The following NXPE2 variants were observed in gnomAD, a reference collection of about 807,000 sequenced individuals.
The protein encoded by NXPE2 is neurexophilin and PC-esterase domain family member 2.
In NXPE2, 34 loss-of-function variants were observed where a neutral mutation model predicts 34.4. That is an observed-to-expected ratio of 0.99 (90% confidence interval 0.75 to 1.31). The LOEUF (loss-of-function observed/expected upper bound fraction) is 1.31. NXPE2 is among the 40% of genes most tolerant of loss of function. The pLI, the probability that NXPE2 is intolerant of heterozygous loss-of-function variation, is 0.00. For synonymous variants in NXPE2, 235 were observed against 231.3 expected, an observed-to-expected ratio of 1.02 and a Z score of -0.15; for missense variants, 649 against 672.5, an observed-to-expected ratio of 0.97 and a Z score of 0.39.
the NXPE2 span, among the ~76,000 whole-genome samples, chr11:114,521,003 A>G: frequency 6.6e-6 from 1 of 152,216 alleles, no homozygotes; most frequent in Non-Finnish European, 1.5e-5. Context: ...CAAACCTTTT[A>G]AAAAAGTTCA....
At chr11:114,808,547 C>T in the NXPE2 span, among the ~76,000 whole-genome samples, 1 of 109,758 alleles carries the variant, frequency 9.1e-6, no homozygotes, top group Non-Finnish European at 1.9e-5. Flanking sequence ...AAACTACCAT[C>T]AGAGAATACT....
the NXPE2 span, among the ~76,000 whole-genome samples, chr11:114,629,544 A>T: frequency 6.6e-6 from 1 of 151,888 alleles, no homozygotes; most frequent in Non-Finnish European, 1.5e-5. Context: ...GCTATCTATG[A>T]CAAACCCACA....
the NXPE2 span, among the ~76,000 whole-genome samples, chr11:114,622,410 C>T: frequency 1.3e-5 from 2 of 151,648 alleles, no homozygotes; most frequent in Non-Finnish European, 2.9e-5. Context: ...ACCACTGTTA[C>T]CCGGTGTATA....
At chr11:114,602,669 C>G in the NXPE2 span, among the ~76,000 whole-genome samples, 1 of 141,108 alleles carries the variant, frequency 7.1e-6, no homozygotes, top group Non-Finnish European at 1.5e-5. Flanking sequence ...ATAATAATTA[C>G]AGAATCATAT....
At chr11:114,767,781 T>C in the NXPE2 span, among the ~76,000 whole-genome samples, 1 of 152,118 alleles carries the variant, frequency 6.6e-6, no homozygotes, top group African/African-American at 2.4e-5. Flanking sequence ...ACTCCCTTTC[T>C]CTTAAATCTC....
At chr11:114,783,728 C>CTTAGGCACTGTGGTGTTG in the NXPE2 span, among the ~76,000 whole-genome samples, 1 of 152,130 alleles carries the variant, frequency 6.6e-6, no homozygotes, top group Non-Finnish European at 1.5e-5. Context: ...GAAATTTCAT[C>CTTAGGCACTGTGGTGTTG]TTAGGCACTG....
chr11:114,643,596 G>A, the NXPE2 span, among the ~76,000 whole-genome samples: 3 of 151,988 alleles, frequency 2.0e-5, no homozygotes, highest in South Asian at 2.1e-4. Flanking sequence ...TGAGGCCTGT[G>A]TTCTGTTCCA....
At chr11:114,651,502 A>C in the NXPE2 span, among the ~76,000 whole-genome samples, 2 of 152,184 alleles carry the variant, frequency 1.3e-5, no homozygotes, top group African/African-American at 4.8e-5. Flanking sequence ...AGAGCAAAAG[A>C]ACAAACCTGC....
the NXPE2 span, among the ~76,000 whole-genome samples, chr11:114,757,981 G>A: frequency 2.8e-4 from 42 of 152,282 alleles, no homozygotes; most frequent in African/African-American, 9.9e-4. Flanking sequence ...AGCAAGTAAT[G>A]GTGATAAAAA....
chr11:114,800,752 T>C, the NXPE2 span, among the ~76,000 whole-genome samples: 1 of 152,178 alleles, frequency 6.6e-6, no homozygotes, highest in Non-Finnish European at 1.5e-5. Flanking sequence ...TAATCTCTCT[T>C]GGTCTGTTTA....
At chr11:114,684,651 T>C (rs1591429133) in intron 2 of NXPE2, among the ~76,000 whole-genome samples, 2 of 151,722 alleles carry the variant, frequency 1.3e-5, no homozygotes, top group East Asian at 3.9e-4. Context: ...ACTTAATTGG[T>C]AGGGGTGGGG....
the NXPE2 span, among the ~76,000 whole-genome samples, chr11:114,467,450 T>A: frequency 6.6e-6 from 1 of 152,170 alleles, no homozygotes; most frequent in Non-Finnish European, 1.5e-5. Context: ...AGGAAATATG[T>A]AAGCCTCCAC....
At chr11:114,628,911 A>T in the NXPE2 span, among the ~76,000 whole-genome samples, 4 of 152,174 alleles carry the variant, frequency 2.6e-5, no homozygotes, top group African/African-American at 9.6e-5. Context: ...CAAATAAACT[A>T]GAGAATCTAG....
At chr11:114,678,408 A>G (rs1414317047), upstream of NXPE2, 7 of 562,908 alleles carry the variant, frequency 1.2e-5, no homozygotes, top group Non-Finnish European at 2.2e-5. Context: ...GGAACAGATC[A>G]TAATAAGGGA....
chr11:114,633,206 G>C, the NXPE2 span, among the ~76,000 whole-genome samples: 8 of 127,056 alleles, frequency 6.3e-5, no homozygotes, highest in African/African-American at 1.2e-4. Flanking sequence ...GTATAAACAT[G>C]TATATTACAT....
the NXPE2 span, among the ~76,000 whole-genome samples, chr11:114,737,440 CAAT>C: frequency 6.6e-6 from 1 of 151,990 alleles, no homozygotes; most frequent in Non-Finnish European, 1.5e-5. Flanking sequence ...AAAATTATAA[CAAT>C]AAAGTATAAA....
chr11:114,753,267 C>T, the NXPE2 span, among the ~76,000 whole-genome samples: 1 of 152,060 alleles, frequency 6.6e-6, no homozygotes, highest in Non-Finnish European at 1.5e-5. Flanking sequence ...CTGGCATGCA[C>T]CTGTAGACCC....
At chr11:114,604,186 C>G in the NXPE2 span, among the ~76,000 whole-genome samples, 1 of 152,074 alleles carries the variant, frequency 6.6e-6, no homozygotes. Context: ...CTACTGTTAC[C>G]TGGTGGATAA....
chr11:114,666,852 T>C, the NXPE2 span, among the ~76,000 whole-genome samples: 1 of 152,010 alleles, frequency 6.6e-6, no homozygotes, highest in Non-Finnish European at 1.5e-5. Context: ...ATGGACAGAA[T>C]TACCAAAGGA....
Sources: allele counts gnomAD v4.1 joint callset (sites outside exome capture counted in the v4.1 genomes callset), GRCh38; gene constraint gnomAD v4.1.1; transcripts MANE v1.5; gene names NCBI Gene and HGNC (gene_info 2026-07-23, HGNC 2026-07-21).